Variants in DLG2 observed in about 807,000 individuals in gnomAD.
DLG2 encodes disks large homolog 2.
Under a neutral mutation model 132.5 loss-of-function variants are expected in DLG2, and 45 were observed. The ratio of observed to expected loss-of-function variants is 0.34; its 90% CI spans 0.27 to 0.44. The LOEUF (loss-of-function observed/expected upper bound fraction) is 0.44. Among genes scored for constraint, DLG2 ranks in the 20% least tolerant of loss-of-function variants. The pLI is 1.00. For missense variants in DLG2, 1,045 were observed against 1,196.9 expected (o/e 0.87, Z 1.87); for synonymous variants, 424 against 419.6 (o/e 1.01, Z -0.13).
chr11:84,515,953 T>C (rs1262432570), intron 7 of DLG2, among the ~76,000 whole-genome samples: 1 of 149,322 alleles, frequency 6.7e-6, no homozygotes, highest in Non-Finnish European at 1.5e-5. Flanking sequence ...AATTCACAAA[T>C]AAACATGAAA....
intron 7 of DLG2, among the ~76,000 whole-genome samples, chr11:84,333,186 A>T (rs544393723): frequency 2.6e-5 from 4 of 152,224 alleles, no homozygotes; most frequent in Admixed American, 1.3e-4. Flanking sequence ...CCTTGGTCCA[A>T]TGAAAGGTCT....
At chr11:85,272,305 T>A (rs1002256392) in intron 4 of DLG2, among the ~76,000 whole-genome samples, 1 of 152,200 alleles carries the variant, frequency 6.6e-6, no homozygotes, top group Non-Finnish European at 1.5e-5. Context: ...CCTCTTTCTT[T>A]TGTAAGTTGC....
rs72951933 is a variant in DLG2 at position 85,368,145 on chromosome 11, C to A, written c.41-82780G>T. 5.2e-3 allele frequency among the ~76,000 whole-genome samples: 792 copies of A among 152,220 alleles called. 1 individual carries two copies. The highest frequency in any genetic ancestry group is 9.1e-3 in the Non-Finnish European group (616 of 68,008). ...TGTTTCATTAAAGTTAATTCTTTGA[C>A]AAAATTTTAATTTATTCCAAGGTTA... On this transcript the variant is annotated intron_variant, in intron 3 of 27. Transcript: ENST00000376104.
In DLG2 at chr11:83,798,544, C is replaced by T. The variant is rs182455978; in HGVS notation, c.1723-11752G>A. On this transcript the variant is annotated intron_variant, in intron 17 of 27. Coordinates refer to ENST00000376104, the MANE Select transcript of DLG2 (RefSeq NM_001142699.3). ...ACTACAAATTTAACAGAATTATTAA[C>T]TGTGAAAAAAATACAAAGGAGTAAC... 2.4e-3 allele frequency among the ~76,000 whole-genome samples: 369 copies of T among 152,110 alleles called. 3 individuals carry two copies. The highest frequency in any genetic ancestry group is 0.01 in the Middle Eastern group (3 of 292).
intron 3 of DLG2, among the ~76,000 whole-genome samples, chr11:85,335,454 T>C (rs1164925607): frequency 6.6e-6 from 1 of 152,216 alleles, no homozygotes; most frequent in African/African-American, 2.4e-5. Flanking sequence ...GATCTTGTCA[T>C]CATGTTAGCT....
intron 14 of DLG2, among the ~76,000 whole-genome samples, chr11:83,937,029 A>G (rs1293266396): frequency 6.6e-6 from 1 of 152,208 alleles, no homozygotes; most frequent in Admixed American, 6.5e-5. Context: ...AAACTCTTAC[A>G]CTTTTGTAAA....
At chr11:84,592,745 G>C (rs2099546520) in intron 6 of DLG2, among the ~76,000 whole-genome samples, 1 of 151,204 alleles carries the variant, frequency 6.6e-6, no homozygotes, top group South Asian at 2.1e-4. Context: ...TGAGAGAAAG[G>C]CAAATCAAAA....
At chr11:85,410,331 ATATT>A (rs2089198779) in intron 3 of DLG2, among the ~76,000 whole-genome samples, 2 of 151,744 alleles carry the variant, frequency 1.3e-5, no homozygotes, top group Middle Eastern at 3.2e-3. Context: ...GAATATTAAT[ATATT>A]TATTAGTATG....
In DLG2 at chr11:83,561,155, T is replaced by C. The variant is rs187539711; in HGVS notation, c.1941-19297A>G. Among the ~76,000 whole-genome samples, 6 of 152,250 alleles carry C rather than the reference T, an allele frequency of 3.9e-5. No homozygotes were observed. The East Asian group carries it at 7.7e-4, about 20-fold the overall frequency. On this transcript the variant is annotated intron_variant, in intron 19 of 27. Coordinates refer to ENST00000376104, the MANE Select transcript of DLG2 (RefSeq NM_001142699.3). ...GCACCAAGAGCATTGTGCTAAACCATTCACAAGAAATCGCCCCCATGATCC... is the reference window on the plus strand; with the variant it reads ...GCACCAAGAGCATTGTGCTAAACCACTCACAAGAAATCGCCCCCATGATCC...
intron 6 of DLG2, among the ~76,000 whole-genome samples, chr11:84,771,709 C>G (rs923643765): frequency 2.0e-5 from 3 of 152,126 alleles, no homozygotes; most frequent in African/African-American, 7.2e-5. Context: ...ATATGGCACA[C>G]AGACCCTATA....
intron 6 of DLG2, among the ~76,000 whole-genome samples, chr11:84,727,638 G>A (rs2062645002): frequency 1.3e-5 from 2 of 152,102 alleles, no homozygotes; most frequent in Admixed American, 1.3e-4. Context: ...TGTGAAGAAA[G>A]TCAGTGGTAG....
intron 4 of DLG2, among the ~76,000 whole-genome samples, chr11:85,175,522 A>C (rs1290658663): frequency 6.6e-6 from 1 of 152,192 alleles, no homozygotes; most frequent in Non-Finnish European, 1.5e-5. Context: ...AATGGGCAAA[A>C]GCTGGAAGCA....
chr11:84,515,276 TACACACACAC>T (rs142638064), intron 7 of DLG2, among the ~76,000 whole-genome samples: 19 of 141,846 alleles, frequency 1.3e-4, no homozygotes, highest in South Asian at 2.3e-4. Flanking sequence ...TGAACTTAAA[TACACACACAC>T]ACACACACAC....
intron 3 of DLG2, among the ~76,000 whole-genome samples, chr11:85,516,952 C>A (rs1161516109): frequency 6.6e-6 from 1 of 151,798 alleles, no homozygotes; most frequent in Non-Finnish European, 1.5e-5. Context: ...ATATGAAAGG[C>A]AGGCAAAAAC....
At chr11:83,606,624 A>G (rs2059364341) in intron 19 of DLG2, among the ~76,000 whole-genome samples, 1 of 136,188 alleles carries the variant, frequency 7.3e-6, no homozygotes, top group Non-Finnish European at 1.6e-5. Context: ...AACATACGTT[A>G]GTGTTTGTTA....
At chr11:85,506,345 G>C (rs1598062717) in intron 3 of DLG2, among the ~76,000 whole-genome samples, 1 of 152,072 alleles carries the variant, frequency 6.6e-6, no homozygotes, top group African/African-American at 2.4e-5. Flanking sequence ...TTTCTCTAGT[G>C]GGCATTTAGT....
chr11:83,814,794 C>A, intron 17 of DLG2: 1 of 227,162 alleles, frequency 4.4e-6, no homozygotes, highest in South Asian at 9.3e-5. Flanking sequence ...TTGATCAATT[C>A]CTTTATCTGA....
chr11:84,516,148 A>C (rs1006992862), intron 7 of DLG2, among the ~76,000 whole-genome samples: 2 of 151,556 alleles, frequency 1.3e-5, no homozygotes, highest in Non-Finnish European at 3.0e-5. Context: ...TCTCAAATAA[A>C]TAACCTAATA....
At chr11:83,995,746 G>A (rs1045079682) in intron 11 of DLG2, among the ~76,000 whole-genome samples, 2 of 152,110 alleles carry the variant, frequency 1.3e-5, no homozygotes, top group Admixed American at 6.6e-5. Context: ...TTCAATAAAT[G>A]GTGCTGGGGA....
Sources: allele counts gnomAD v4.1 joint callset (sites outside exome capture counted in the v4.1 genomes callset), GRCh38; gene constraint gnomAD v4.1.1; transcripts MANE v1.5; gene names NCBI Gene and HGNC (gene_info 2026-07-23, HGNC 2026-07-21).